HMCN1: variants seen among roughly 807,000 people sequenced by gnomAD.
HMCN1 encodes the protein hemicentin 1, also known as hemicentin-1.
HMCN1 carries 321 observed loss-of-function variants against 625.9 expected under a neutral mutation model. The ratio of observed to expected loss-of-function variants is 0.51; its 90% CI spans 0.47 to 0.56. The LOEUF (loss-of-function observed/expected upper bound fraction) is 0.56. HMCN1 is among the 20% of genes least tolerant of loss of function. HMCN1 has a pLI of 0.00. For missense variants in HMCN1, 6,588 were observed against 6,887.3 expected (o/e 0.96, Z 1.54); for synonymous variants, 2,425 against 2,417.6 (o/e 1.00, Z -0.09).
Position 186,055,568 on chromosome 1 carries a change from C to T in HMCN1, c.7038C>T (p.His2346=), listed in dbSNP as rs1657259617. The change falls in exon 45 of 107, where the codon CAC becomes CAT. Residue 2346 remains histidine, a synonymous_variant. Transcript: ENST00000271588. ...GAGTAGAAATACTGGATGAAGGTCA[C>T]ATCCTTCAGCTGAAGAACATTCATG... ...AKGVEILDEG[H]ILQLKNIHVS... 6.8e-6 allele frequency: 11 copies of T among 1,612,552 alleles called. No homozygotes were observed. The highest frequency in any genetic ancestry group is 1.3e-5 in the African/African-American group (1 of 74,922).
chr1:185,962,649 G>A lies in HMCN1; in HGVS notation c.1960G>A (p.Gly654Ser), dbSNP rs759915476. 5.1e-6 allele frequency: 8 copies of A among 1,559,966 alleles called. No individual in the cohort carries two copies. The highest frequency in any genetic ancestry group is 3.4e-4 in the Middle Eastern group (2 of 5,966). Residue 654 changes from glycine (G) to serine (S), a missense_variant, in exon 12 of 107, where the codon GGT becomes AGT. Physicochemically the swap from Gly to Ser is moderately conservative, Grantham distance 56. Transcript: ENST00000271588. ...GACCGTTAACGATATGTTTATCGTG[G>A]GTTCACACAGGTACTGGGTTTGTAT... ...AWTVNDMFIV[G>S]SHRYRMTSDG... is the part of the protein sequence containing the mutation.
At chr1:185,945,848 C>A (rs1476950612) in intron 11 of HMCN1, among the ~76,000 whole-genome samples, 1 of 152,094 alleles carries the variant, frequency 6.6e-6, no homozygotes, top group Non-Finnish European at 1.5e-5. Context: ...TCTTTTCACT[C>A]TTGTCTTTAG....
At chr1:186,136,142 C>G (rs911613885) in intron 86 of HMCN1, among the ~76,000 whole-genome samples, 5 of 151,254 alleles carry the variant, frequency 3.3e-5, no homozygotes, top group Admixed American at 6.6e-5. Context: ...TGCCATTGCA[C>G]TCCAGCCTGG....
At chr1:185,851,115 A>C (rs1006225475) in intron 2 of HMCN1, among the ~76,000 whole-genome samples, 1 of 152,134 alleles carries the variant, frequency 6.6e-6, no homozygotes, top group African/African-American at 2.4e-5. Flanking sequence ...AAATTTCTTA[A>C]AATTTTAGTA....
chr1:185,945,584 G>A (rs1054496270), intron 11 of HMCN1, among the ~76,000 whole-genome samples: 3 of 152,128 alleles, frequency 2.0e-5, no homozygotes, highest in Non-Finnish European at 4.4e-5. Flanking sequence ...GGGTGCTACC[G>A]GAGCTTTTAA....
intron 11 of HMCN1, among the ~76,000 whole-genome samples, chr1:185,959,406 C>T (rs1281556652): frequency 6.6e-6 from 1 of 151,944 alleles, no homozygotes; most frequent in Non-Finnish European, 1.5e-5. Flanking sequence ...GCTAATCTGA[C>T]CATTAATAGT....
chr1:186,126,244 CATAA>C (rs1319022261), intron 82 of HMCN1, among the ~76,000 whole-genome samples: 1 of 115,258 alleles, frequency 8.7e-6, no homozygotes, highest in Non-Finnish European at 1.7e-5. Context: ...TAATATTCAA[CATAA>C]ATATTCATAT....
intron 102 of HMCN1, 132 bp from the exon 103 acceptor site, chr1:186,174,382 G>C (rs1274818048): frequency 4.9e-6 from 5 of 1,022,322 alleles, no homozygotes; most frequent in Non-Finnish European, 7.5e-6. Flanking sequence ...ATTCCAAGTT[G>C]TAAGCTGGTA....
At position 186,103,506 on chromosome 1, in the gene HMCN1, A is replaced by G. The variant is rs150059212; in HGVS notation, c.10608A>G (p.Glu3536=). The G allele has an allele frequency of 6.4e-5, 103 of 1,613,452 alleles. No homozygotes were observed. Among genetic ancestry groups the G allele is most frequent in the Non-Finnish European group, 8.5e-5 (100 of 1,179,540 alleles). ...PPHINGSEEH[E]EISVIVNNPL... ...ACATTAATGGATCTGAAGAACATGA[A>G]GAGATATCAGTAATTGTTAATAACC... Residue 3536 remains glutamate (E), a synonymous_variant, in exon 69 of 107, where the codon GAA becomes GAG. Coordinates refer to ENST00000271588, the MANE Select transcript of HMCN1 (RefSeq NM_031935.3).
Position 185,909,411 on chromosome 1 carries a change from T to C in HMCN1, c.696T>C (p.Ala232=). The C allele has an allele frequency of 6.2e-7, 1 of 1,613,516 alleles. No individual in the cohort carries two copies. The highest frequency in any genetic ancestry group is 8.5e-7 in the Non-Finnish European group (1 of 1,179,514). Residue 232 remains alanine (A), a synonymous_variant, in exon 5 of 107, where the codon GCT becomes GCC. Coordinates refer to ENST00000271588, the MANE Select transcript of HMCN1 (RefSeq NM_031935.3). ...HLLSTDHLEQ[A]VNTWRIPFDP... ...TATCCACAGATCATTTGGAACAGGC[T>C]GTAAATACTTGGAGAATTCCTTTTG...
chr1:185,962,381 T>C (rs1650087227), intron 11 of HMCN1, 137 bp from the exon 12 acceptor site: 2 of 739,716 alleles, frequency 2.7e-6, no homozygotes, highest in South Asian at 1.4e-5. Flanking sequence ...TTTCCTGCCA[T>C]ATCTGTGATG....
At chr1:185,884,474 A>G (rs1664511156) in intron 4 of HMCN1, among the ~76,000 whole-genome samples, 3 of 152,086 alleles carry the variant, frequency 2.0e-5, no homozygotes, top group Admixed American at 6.5e-5. Context: ...TTTTAACTCA[A>G]TTATATTTCC....
Position 185,864,486 on chromosome 1 carries a change from C to G in HMCN1, c.356C>G (p.Pro119Arg). 6.2e-7 allele frequency: 1 copy of G among 1,613,974 alleles called. No homozygotes were observed. The highest frequency in any genetic ancestry group is 8.5e-7 in the Non-Finnish European group (1 of 1,179,932). The change falls in exon 3 of 107, where the codon CCA becomes CGA. Residue 119 changes from proline (P) to arginine (R), a missense_variant. Coordinates refer to ENST00000271588, the MANE Select transcript of HMCN1 (RefSeq NM_031935.3). ...ACTCAACAGGGTGGTGGTGATTGCC[C>G]AGAAATGAGTATTGGAGCTATAAAA... Reference protein sequence around the residue: ...ELYVQGGGDCPEMSIGAIKIA... With the variant: ...ELYVQGGGDCREMSIGAIKIA...
At chr1:185,974,528 C>T (rs1345816443) in intron 15 of HMCN1, among the ~76,000 whole-genome samples, 2 of 152,162 alleles carry the variant, frequency 1.3e-5, no homozygotes, top group Non-Finnish European at 2.9e-5. Context: ...ACAGCCTCCT[C>T]TGTAGAAGCA....
intron 1 of HMCN1, among the ~76,000 whole-genome samples, chr1:185,740,460 G>A (rs1176034500): frequency 1.3e-5 from 2 of 152,166 alleles, no homozygotes; most frequent in African/African-American, 4.8e-5. Flanking sequence ...GACAAGACAG[G>A]TTCTGAGGAT....
chr1:186,102,125 A>G lies in HMCN1; in HGVS notation c.10574-1347A>G, dbSNP rs191048902. On this transcript the variant is annotated intron_variant, in intron 68 of 106. Coordinates refer to ENST00000271588, the MANE Select transcript of HMCN1 (RefSeq NM_031935.3). ...TATTGTGGAAGTCTTGGAAACCATG[A>G]TGAGTTTTTATTTAATCCAGTAAGC... Among the ~76,000 whole-genome samples the G allele has an allele frequency of 1.6e-3, 236 of 152,254 alleles. 1 individual carries two copies. Among genetic ancestry groups the G allele is most frequent in the African/African-American group, 5.4e-3 (226 of 41,564 alleles).
chr1:186,161,249 C>CT (rs1239137738), intron 97 of HMCN1, among the ~76,000 whole-genome samples: 1 of 151,316 alleles, frequency 6.6e-6, no homozygotes, highest in African/African-American at 2.4e-5. Context: ...CAACCCCTGC[C>CT]TTTTTTTGTT....
At chr1:185,968,169 T>A (rs541501953) in intron 14 of HMCN1, among the ~76,000 whole-genome samples, 3 of 152,150 alleles carry the variant, frequency 2.0e-5, no homozygotes, top group Non-Finnish European at 4.4e-5. Context: ...TTCATAATAA[T>A]ACTAAGATGT....
intron 49 of HMCN1, among the ~76,000 whole-genome samples, chr1:186,065,955 C>T (rs989304457): frequency 6.6e-6 from 1 of 152,154 alleles, no homozygotes; most frequent in Non-Finnish European, 1.5e-5. Flanking sequence ...TTCCTAATAT[C>T]ATATAATTCT....
Sources: allele counts gnomAD v4.1 joint callset (sites outside exome capture counted in the v4.1 genomes callset), GRCh38; gene constraint gnomAD v4.1.1; transcripts MANE v1.5; gene names NCBI Gene and HGNC (gene_info 2026-07-23, HGNC 2026-07-21).